Variants in GRPEL1 observed in about 807,000 individuals in gnomAD.
GRPEL1 encodes grpE protein homolog 1, mitochondrial.
In GRPEL1, 13 loss-of-function variants were observed where a neutral mutation model predicts 22.1. That is an observed-to-expected ratio of 0.59 (90% confidence interval 0.38 to 0.94). The LOEUF (loss-of-function observed/expected upper bound fraction) is 0.94. GRPEL1 is among the 40% of genes least tolerant of loss of function. The pLI, the probability that GRPEL1 is intolerant of heterozygous loss-of-function variation, is 0.00. For missense variants in GRPEL1, 289 were observed against 264.6 expected (o/e 1.09, Z -0.64); for synonymous variants, 109 against 105.3 (o/e 1.03, Z -0.21).
At chr4:7,064,672 T>C (rs959351348) in intron 1 of GRPEL1, among the ~76,000 whole-genome samples, 5 of 152,122 alleles carry the variant, frequency 3.3e-5, no homozygotes, top group Non-Finnish European at 2.9e-5. Context: ...CTAATTTTTG[T>C]ATTTTTAGTA....
rs573794061 is a variant in GRPEL1 at position 7,060,699 on chromosome 4, A to C, written c.*163T>G. On this transcript the variant is annotated 3_prime_UTR_variant, in exon 4 of 4. Transcript: ENST00000264954. ...GGAACAGACTCCCGAATTAGAGTTC[A>C]TTAATGCAGTTGGGCAACCGGCTTT... is the stretch of plus-strand genomic sequence containing the variant. 1 of 673,898 alleles carries C rather than the reference A, an allele frequency of 1.5e-6. No homozygotes were observed. The highest frequency in any genetic ancestry group is 2.6e-6 in the Non-Finnish European group (1 of 384,300). 41.7% of individuals were successfully genotyped at this position (673,898 alleles called of 1,614,324 possible). A position where few individuals can be genotyped will look rare whatever the true frequency, so the allele number is the denominator to read the frequency against.
At chr4:7,067,080 C>T (rs1035755772) in intron 1 of GRPEL1, among the ~76,000 whole-genome samples, 19 of 152,202 alleles carry the variant, frequency 1.2e-4, no homozygotes, top group African/African-American at 4.6e-4. Flanking sequence ...GTGATCTTCA[C>T]CTCACCTGCC....
chr4:7,063,499 CA>C (rs1560400656), intron 2 of GRPEL1, among the ~76,000 whole-genome samples: 2 of 152,196 alleles, frequency 1.3e-5, no homozygotes, highest in African/African-American at 4.8e-5. Context: ...GCTCCAAGTC[CA>C]GGGGGTTCTA....
chr4:7,066,227 G>C (rs1388733011), intron 1 of GRPEL1, among the ~76,000 whole-genome samples: 1 of 152,226 alleles, frequency 6.6e-6, no homozygotes, highest in Non-Finnish European at 1.5e-5. Context: ...CCAGCACACA[G>C]AACTCAGTCA....
intron 2 of GRPEL1, among the ~76,000 whole-genome samples, chr4:7,063,672 C>T (rs1456155135): frequency 6.6e-6 from 1 of 152,200 alleles, no homozygotes; most frequent in East Asian, 1.9e-4. Flanking sequence ...GTTACTAGTT[C>T]ATAAAACTCC....
chr4:7,068,044 C>A lies in GRPEL1; in HGVS notation c.-12G>T. 1 of 1,612,280 alleles carries A rather than the reference C, an allele frequency of 6.2e-7. No individual in the cohort carries two copies. The highest frequency in any genetic ancestry group is 8.5e-7 in the Non-Finnish European group (1 of 1,179,400). On this transcript the variant is annotated 5_prime_UTR_variant, in exon 1 of 4. Transcript: ENST00000264954. ...CACTGAGCCGCCATGACTGCCACTG[C>A]CCGTCGCAGTCGCCGCGCACGCACC...
chr4:7,064,294 T>A, intron 1 of GRPEL1, 71 bp from the exon 2 acceptor site: 1 of 1,490,392 alleles, frequency 6.7e-7, no homozygotes, highest in Non-Finnish European at 9.1e-7. Flanking sequence ...TGTATGACTT[T>A]AGAAACTTAA....
intron 1 of GRPEL1, among the ~76,000 whole-genome samples, chr4:7,065,744 T>C (rs1183942021): frequency 6.6e-6 from 1 of 151,998 alleles, no homozygotes; most frequent in African/African-American, 2.4e-5. Flanking sequence ...GCATGGGATA[T>C]GTACCGGTGA....
In GRPEL1 at chr4:7,061,168, G is replaced by A. The variant is rs141369619; in HGVS notation, c.348C>T (p.Asp116=). ...AFCKDLLEVA[D]VLEKATQCVP... ...CACACTGTGTTGCCTTCTCCAGAACGTCTGCCACCTCCAACAAGTCCTTGC... is the reference window on the plus strand; with the variant it reads ...CACACTGTGTTGCCTTCTCCAGAACATCTGCCACCTCCAACAAGTCCTTGC... Residue 116 remains aspartate, a synonymous_variant, in exon 4 of 4, where the codon GAC becomes GAT. Coordinates refer to ENST00000264954, the MANE Select transcript of GRPEL1 (RefSeq NM_025196.4). 5,963 of 1,613,438 alleles carry A rather than the reference G, an allele frequency of 3.7e-3. 12 individuals carry two copies. The highest frequency in any genetic ancestry group is 4.5e-3 in the Non-Finnish European group (5,338 of 1,179,748).
At chr4:7,067,723 C>T (rs182879119) in intron 1 of GRPEL1, among the ~76,000 whole-genome samples, 3,245 of 152,362 alleles carry the variant, frequency 0.021, 56 homozygotes, top group Non-Finnish European at 0.029. Flanking sequence ...AAACGCCCCC[C>T]GCGCTGCGGT....
rs1553880296 is a variant in GRPEL1 at position 7,062,486 on chromosome 4, A to AGATT, written c.226-21_226-20insAATC. 21,546 of 387,782 alleles carry AGATT rather than the reference A, an allele frequency of 0.056. 552 individuals are homozygous for AGATT. Among genetic ancestry groups the AGATT allele is most frequent in the African/African-American group, 0.21 (4,084 of 19,852 alleles). 24.0% of individuals were successfully genotyped at this position (387,782 alleles called of 1,614,324 possible). A position where few individuals can be genotyped will look rare whatever the true frequency, so the allele number is the denominator to read the frequency against. On this transcript the variant is annotated intron_variant, in intron 2 of 3. Transcript: ENST00000264954. ...TTTTTCCTAAAAGAGAAAAAAAGGG[A>AGATT]TATTTATATATATATATATATATAT... is the stretch of plus-strand genomic sequence containing the variant.
chr4:7,067,245 G>A (rs532392473), intron 1 of GRPEL1, among the ~76,000 whole-genome samples: 11 of 127,376 alleles, frequency 8.6e-5, no homozygotes, highest in African/African-American at 3.0e-4. Flanking sequence ...AAAGCAGAAG[G>A]GGCAGATTTG....
In GRPEL1 at chr4:7,061,016, C is replaced by A; in HGVS notation, c.500G>T (p.Gly167Val). 3 of 1,614,206 alleles carry A rather than the reference C, an allele frequency of 1.9e-6. No individual in the cohort carries two copies. Among genetic ancestry groups the A allele is most frequent in the Non-Finnish European group, 2.5e-6 (3 of 1,180,034 alleles). Reference protein sequence around the residue: ...KHGLLKLNPVGAKFDPYEHEA... With the variant: ...KHGLLKLNPVVAKFDPYEHEA... ...ATGTTCATAAGGGTCGAACTTGGCT[C>A]CGACAGGGTTCAACTTGAGCAAGCC... The change falls in exon 4 of 4, where the codon GGA becomes GTA. Residue 167 changes from glycine (G) to valine (V), a missense_variant. By Grantham distance (109) the Gly-to-Val change is moderately radical. Transcript: ENST00000264954.
Position 7,061,207 on chromosome 4 carries a change from G to A in GRPEL1, c.309C>T (p.Gly103=), listed in dbSNP as rs145140579. The A allele has an allele frequency of 6.2e-7, 1 of 1,605,164 alleles. No homozygotes were observed. The highest frequency in any genetic ancestry group is 2.2e-5 in the East Asian group (1 of 44,826). ...ACAAGTCCTTGCAGAAGGCTTGAAT[G>A]CCTGGATGAAGTTAAAGAAGATCAT... ...QKLVEEAKLY[G]IQAFCKDLLE... is the part of the protein sequence containing the mutation. Residue 103 remains glycine (G), a splice_region_variant and synonymous_variant, in exon 4 of 4, where the codon GGC becomes GGT. Transcript: ENST00000264954.
Position 7,064,203 on chromosome 4 carries a change from CA to C in GRPEL1, c.82del (p.Cys28AlafsTer44). ...ACTGTTCTTTTGTTTCGTGGCTGTG[CA>C]CAACAACCGGGGAGATGGCCTACAG... ...LSLRPSPRLLCTATKQKNSGQ... is the reference protein window; with the variant it reads ...LSLRPSPRLLXTATKQKNSGQ... On this transcript the variant is annotated frameshift_variant, in exon 2 of 4. Coordinates refer to ENST00000264954, the MANE Select transcript of GRPEL1 (RefSeq NM_025196.4). LOFTEE classifies it high-confidence loss of function. 1 of 1,613,592 alleles carries C rather than the reference CA, an allele frequency of 6.2e-7. No individual in the cohort carries two copies. Among genetic ancestry groups the C allele is most frequent in the Non-Finnish European group, 8.5e-7 (1 of 1,179,700 alleles).
chr4:7,065,855 T>TC (rs1400472336), intron 1 of GRPEL1, among the ~76,000 whole-genome samples: 1 of 75,920 alleles, frequency 1.3e-5, no homozygotes, highest in Non-Finnish European at 3.3e-5. Flanking sequence ...CCAGAGGACC[T>TC]CTTTTTTTTT....
intron 1 of GRPEL1, chr4:7,064,455 C>CAT (rs754938245): frequency 5.7e-6 from 2 of 351,026 alleles, no homozygotes; most frequent in South Asian, 6.6e-5. Context: ...CTAAGATAAA[C>CAT]ATATATATAT....
At position 7,059,715 on chromosome 4, in the gene GRPEL1, CTCT is replaced by C. The variant is rs1723991643; in HGVS notation, c.*1144_*1146del. 1.3e-5 allele frequency: 2 copies of C among 152,254 alleles called. No homozygotes were observed. The highest frequency in any genetic ancestry group is 6.5e-5 in the Admixed American group (1 of 15,288). The allele number at this position is 152,254 out of a possible 1,614,324, so 9.4% of individuals were successfully genotyped here. A position where few individuals can be genotyped will look rare whatever the true frequency, so the allele number is the denominator to read the frequency against. On this transcript the variant is annotated 3_prime_UTR_variant, in exon 4 of 4. Transcript: ENST00000264954. ...AGCAAAGGCAGCGAAAGGTTCTTTTCTCTTTTTTGTAACAGACGCCAATCATTC... is the reference window on the plus strand; with the variant it reads ...AGCAAAGGCAGCGAAAGGTTCTTTTCTTTTTGTAACAGACGCCAATCATTC...
Position 7,060,861 on chromosome 4 carries a change from G to T in GRPEL1, c.*1C>A. On this transcript the variant is annotated 3_prime_UTR_variant, in exon 4 of 4. Transcript: ENST00000264954. ...AAAAACACCCACCCCATCAACAGCA[G>T]CTAAGCTTCCTTCACCACCCCCACC... 2 of 1,607,630 alleles carry T rather than the reference G, an allele frequency of 1.2e-6. No homozygotes were observed. The highest frequency in any genetic ancestry group is 1.7e-6 in the Non-Finnish European group (2 of 1,176,358).
Sources: gnomAD v4.1 joint callset for allele counts (sites outside exome capture counted in the v4.1 genomes callset) on GRCh38, gnomAD v4.1.1 for gene constraint, MANE v1.5 for transcripts, NCBI Gene and HGNC (gene_info 2026-07-23, HGNC 2026-07-21) for gene names.